The following GALNT7 variants were observed in gnomAD, a reference collection of about 807,000 sequenced individuals.
GALNT7 encodes the protein N-acetylgalactosaminyltransferase 7.
A neutral mutation model predicts 82.1 loss-of-function variants in GALNT7; 60 were observed. The ratio of observed to expected loss-of-function variants is 0.73; its 90% CI spans 0.59 to 0.91. The LOEUF (loss-of-function observed/expected upper bound fraction) is 0.91, where lower values mean the gene tolerates loss of function less well. Ranked by LOEUF, GALNT7 falls within the 40% of genes least tolerant of loss-of-function variation. GALNT7 has a pLI of 0.00. For synonymous variants in GALNT7, 243 were observed against 275.1 expected (o/e 0.88, Z 1.15); for missense variants, 660 against 804.2 (o/e 0.82, Z 2.17).
chr4:173,235,424 T>C (rs1278917513), intron 1 of GALNT7, among the ~76,000 whole-genome samples: 1 of 152,256 alleles, frequency 6.6e-6, no homozygotes, highest in Admixed American at 6.5e-5. Flanking sequence ...GCCTTCCTTC[T>C]ACAGGCACTT....
intron 2 of GALNT7, among the ~76,000 whole-genome samples, chr4:173,263,329 C>G (rs1735351784): frequency 6.6e-6 from 1 of 152,136 alleles, no homozygotes; most frequent in Non-Finnish European, 1.5e-5. Flanking sequence ...AATTTAATCT[C>G]TTATACTTGA....
chr4:173,173,807 A>G (rs965490181), intron 1 of GALNT7, among the ~76,000 whole-genome samples: 1 of 152,186 alleles, frequency 6.6e-6, no homozygotes, highest in Non-Finnish European at 1.5e-5. Context: ...TAATAGGACT[A>G]ATTCAGGAAC....
chr4:173,210,518 A>G (rs113877671), intron 1 of GALNT7, among the ~76,000 whole-genome samples: 9 of 152,122 alleles, frequency 5.9e-5, no homozygotes, highest in East Asian at 1.9e-4. Flanking sequence ...AGATGGCGCC[A>G]TTTTGGCTCA....
At chr4:173,172,982 C>T (rs1363250787) in intron 1 of GALNT7, among the ~76,000 whole-genome samples, 1 of 152,062 alleles carries the variant, frequency 6.6e-6, no homozygotes, top group Non-Finnish European at 1.5e-5. Flanking sequence ...GTCTATAGAA[C>T]AGGTAGCAGG....
chr4:173,278,376 T>A (rs1208990228), intron 2 of GALNT7, among the ~76,000 whole-genome samples: 1 of 152,214 alleles, frequency 6.6e-6, no homozygotes, highest in Non-Finnish European at 1.5e-5. Context: ...TATCAACCTC[T>A]CAGGGAAAAC....
At position 173,292,331 on chromosome 4, in the gene GALNT7, C is replaced by A; in HGVS notation, c.754+57C>A. On this transcript the variant is annotated intron_variant, in intron 3 of 11. Transcript: ENST00000265000. This position sits in a 1 kb window ranked among gnomAD's most constrained non-coding sequence, Gnocchi z 4.8. ...AAAATAAGTTAAGCATGAATAATTG[C>A]AAAAAGGTGATTTCAAAATAATTAG... 3.7e-6 allele frequency: 4 copies of A among 1,067,454 alleles called. No individual in the cohort carries two copies. Among genetic ancestry groups the A allele is most frequent in the Non-Finnish European group, 4.1e-6 (3 of 730,334 alleles). The allele number at this position is 1,067,454 out of a possible 1,614,324, so 66.1% of individuals were successfully genotyped here.
At chr4:173,272,901 G>C (rs1328365882) in intron 2 of GALNT7, among the ~76,000 whole-genome samples, 1 of 151,960 alleles carries the variant, frequency 6.6e-6, no homozygotes, top group Non-Finnish European at 1.5e-5. Flanking sequence ...CAGTGGAGAG[G>C]GTCTTCAAAA....
At chr4:173,310,521 G>A (rs942285060) in intron 8 of GALNT7, among the ~76,000 whole-genome samples, 3 of 152,128 alleles carry the variant, frequency 2.0e-5, no homozygotes, top group African/African-American at 7.2e-5. Context: ...TAAATCTGAT[G>A]TCACTTACCT....
chr4:173,169,926 G>A (rs1408126562), intron 1 of GALNT7, among the ~76,000 whole-genome samples: 2 of 152,028 alleles, frequency 1.3e-5, no homozygotes, highest in East Asian at 3.9e-4. Context: ...CGGAGCTCGC[G>A]GCGGCTCCGC....
chr4:173,220,028 T>C (rs1733593028), intron 1 of GALNT7, among the ~76,000 whole-genome samples: 1 of 152,242 alleles, frequency 6.6e-6, no homozygotes, highest in Non-Finnish European at 1.5e-5. Context: ...TTGTTTTTGT[T>C]GCATTTGCTT....
chr4:173,216,344 T>G (rs1010129427), intron 1 of GALNT7, among the ~76,000 whole-genome samples: 1 of 152,168 alleles, frequency 6.6e-6, no homozygotes, highest in African/African-American at 2.4e-5. Context: ...ATCTAAATGC[T>G]TAAAATAGAT....
intron 2 of GALNT7, among the ~76,000 whole-genome samples, chr4:173,248,947 G>A (rs1182309372): frequency 6.6e-6 from 1 of 151,448 alleles, no homozygotes; most frequent in East Asian, 1.9e-4. Flanking sequence ...TTTTCCCTCA[G>A]TACTGAAACT....
intron 1 of GALNT7, among the ~76,000 whole-genome samples, chr4:173,228,585 G>T (rs1465701711): frequency 6.6e-6 from 1 of 151,996 alleles, no homozygotes; most frequent in African/African-American, 2.4e-5. Context: ...TCTGTAATTA[G>T]AATTGTGTCC....
intron 1 of GALNT7, among the ~76,000 whole-genome samples, chr4:173,198,347 C>T (rs1188124750): frequency 1.3e-5 from 2 of 151,772 alleles, no homozygotes; most frequent in African/African-American, 4.8e-5. Flanking sequence ...GGATTACAGG[C>T]GTGAGCCACC....
At chr4:173,236,793 C>T (rs1340919122) in intron 1 of GALNT7, among the ~76,000 whole-genome samples, 3 of 152,214 alleles carry the variant, frequency 2.0e-5, no homozygotes, top group Non-Finnish European at 2.9e-5. Flanking sequence ...CCCTTAGAGG[C>T]AAGGCCTTTT....
In GALNT7 at chr4:173,292,373, G is replaced by A; in HGVS notation, c.754+99G>A. ...AATAATTAGCTTTAAAAAATTAATA[G>A]CATCTATTGATAGCATCTGTTATCA... On this transcript the variant is annotated intron_variant, in intron 3 of 11. Transcript: ENST00000265000. The surrounding 1 kb of genome is among the most constrained non-coding windows in gnomAD (Gnocchi z 4.8). 1.4e-6 allele frequency: 1 copy of A among 702,608 alleles called. No homozygotes were observed. The allele number at this position is 702,608 out of a possible 1,614,324, so 43.5% of individuals were successfully genotyped here. A position where few individuals can be genotyped will look rare whatever the true frequency, so the allele number is the denominator to read the frequency against.
rs563102408 is a variant in GALNT7, at chr4:173,178,052, T to TGTGTGTGCGCGCGC, written c.126+9092_126+9093insTGTGTGCGCGCGCG. 1.2e-3 allele frequency among the ~76,000 whole-genome samples: 156 copies of TGTGTGTGCGCGCGC among 129,494 alleles called. 1 individual carries two copies. The highest frequency in any genetic ancestry group is 4.9e-3 in the East Asian group (21 of 4,270). The allele number at this position is 129,494 out of a possible 152,430, so 85.0% of individuals were successfully genotyped here. On this transcript the variant is annotated intron_variant, in intron 1 of 11. Transcript: ENST00000265000. ...GTGTGTGTGTGTGTGTGTGTGTGTG[T>TGTGTGTGCGCGCGC]GCGCGCACGCGCGTGCGCACAGACA...
At chr4:173,265,045 G>A (rs1735428538) in intron 2 of GALNT7, among the ~76,000 whole-genome samples, 1 of 152,214 alleles carries the variant, frequency 6.6e-6, no homozygotes, top group Non-Finnish European at 1.5e-5. Flanking sequence ...CAAAACTTGC[G>A]CTTCATGTAC....
intron 2 of GALNT7, among the ~76,000 whole-genome samples, chr4:173,263,569 C>T (rs1300453522): frequency 6.6e-6 from 1 of 152,106 alleles, no homozygotes; most frequent in East Asian, 1.9e-4. Context: ...AATAGCAAAT[C>T]GGCCAGCTTT....
Sources: gnomAD v4.1 joint callset for allele counts (sites outside exome capture counted in the v4.1 genomes callset) on GRCh38, gnomAD v4.1.1 for gene constraint, Gnocchi (gnomAD v3.1) non-coding constraint, MANE v1.5 for transcripts, NCBI Gene and HGNC (gene_info 2026-07-23, HGNC 2026-07-21) for gene names.